The following GRID1 variants were observed in gnomAD, a reference collection of about 807,000 sequenced individuals.
The protein encoded by GRID1 is glutamate receptor ionotropic, delta-1.
Under a neutral mutation model 98.0 loss-of-function variants are expected in GRID1, and 28 were observed. That is an observed-to-expected ratio of 0.29 (90% CI 0.21 to 0.39). The LOEUF is 0.39. GRID1 is among the 10% of genes least tolerant of loss of function. GRID1 has a pLI of 1.00. For synonymous variants in GRID1, 553 were observed against 538.5 expected, an observed-to-expected ratio of 1.03 and a Z score of -0.37; for missense variants, 1,111 against 1,340.5, an observed-to-expected ratio of 0.83 and a Z score of 2.67.
At chr10:86,148,335 G>C (rs576075219) in intron 3 of GRID1, among the ~76,000 whole-genome samples, 29 of 152,316 alleles carry the variant, frequency 1.9e-4, no homozygotes, top group Non-Finnish European at 3.4e-4. Flanking sequence ...CATGAGCCTG[G>C]AGCAGATTAT....
intron 4 of GRID1, among the ~76,000 whole-genome samples, chr10:86,081,254 A>G (rs1843974336): frequency 6.6e-6 from 1 of 152,196 alleles, no homozygotes; most frequent in Non-Finnish European, 1.5e-5. Flanking sequence ...GGGGCTGGGG[A>G]TGAAAATGGA....
chr10:86,240,866 C>G (rs1846617419), intron 2 of GRID1, among the ~76,000 whole-genome samples: 1 of 152,220 alleles, frequency 6.6e-6, no homozygotes, highest in African/African-American at 2.4e-5. Context: ...AGCCCCAGAC[C>G]AGCCTCGGGG....
intron 2 of GRID1, among the ~76,000 whole-genome samples, chr10:86,351,589 T>G (rs961550858): frequency 1.3e-5 from 2 of 152,158 alleles, no homozygotes; most frequent in Non-Finnish European, 2.9e-5. Flanking sequence ...TGGAGTCAAA[T>G]AGCCAGCTGC....
At chr10:85,985,473 G>A (rs991527155) in intron 4 of GRID1, among the ~76,000 whole-genome samples, 15 of 152,142 alleles carry the variant, frequency 9.9e-5, no homozygotes, top group Admixed American at 5.2e-4. Context: ...CTAACTAGAC[G>A]GTCACCTTCA....
chr10:86,284,186 A>G (rs1395161231), intron 2 of GRID1, among the ~76,000 whole-genome samples: 1 of 151,810 alleles, frequency 6.6e-6, no homozygotes, highest in African/African-American at 2.4e-5. Context: ...CTACACATAC[A>G]CACCTGCCCT....
rs938471710 is a variant in GRID1, at chr10:85,652,759, G to A, written c.1998-5362C>T. On this transcript the variant is annotated intron_variant, in intron 12 of 15. Transcript: ENST00000327946. Reference sequence around the variant, plus strand: ...GCCTCTCCTGGGTTTCTTCCCCAGCGCCCCCCAGCCTCTCTAATCTGTCAC... The same window carrying A: ...GCCTCTCCTGGGTTTCTTCCCCAGCACCCCCCAGCCTCTCTAATCTGTCAC... Among the ~76,000 whole-genome samples the A allele has an allele frequency of 1.8e-4, 27 of 151,994 alleles. 1 individual carries two copies. Among genetic ancestry groups the A allele is most frequent in the African/African-American group, 3.6e-4 (15 of 41,376 alleles).
chr10:86,238,521 T>C (rs1261611224), intron 2 of GRID1, among the ~76,000 whole-genome samples: 5 of 151,846 alleles, frequency 3.3e-5, no homozygotes, highest in Non-Finnish European at 7.4e-5. Context: ...AATACAAAAA[T>C]TAGCTGGGCA....
At chr10:85,772,654 C>T (rs997975068) in intron 8 of GRID1, among the ~76,000 whole-genome samples, 29 of 152,072 alleles carry the variant, frequency 1.9e-4, no homozygotes, top group African/African-American at 6.8e-4. Context: ...ACCACCGATC[C>T]CACAGAAATA....
intron 4 of GRID1, among the ~76,000 whole-genome samples, chr10:86,128,543 T>A (rs925460611): frequency 6.6e-6 from 1 of 152,026 alleles, no homozygotes; most frequent in South Asian, 2.1e-4. Flanking sequence ...GATATGTGAG[T>A]AATGCACTGG....
At chr10:86,135,970 T>A (rs1010964644) in intron 4 of GRID1, among the ~76,000 whole-genome samples, 1 of 152,240 alleles carries the variant, frequency 6.6e-6, no homozygotes, top group Non-Finnish European at 1.5e-5. Flanking sequence ...GGATGCTGCA[T>A]AACATTGACA....
At chr10:86,142,507 G>T (rs1208299429) in intron 3 of GRID1, among the ~76,000 whole-genome samples, 8 of 152,202 alleles carry the variant, frequency 5.3e-5, no homozygotes, top group Non-Finnish European at 1.2e-4. Flanking sequence ...GAACACCAGT[G>T]GTCCTCACTG....
chr10:85,946,360 C>T (rs1274338804), intron 4 of GRID1, among the ~76,000 whole-genome samples: 1 of 152,208 alleles, frequency 6.6e-6, no homozygotes, highest in African/African-American at 2.4e-5. Context: ...CTGAACCCTG[C>T]TCAGTGTCCA....
chr10:85,922,275 AACCATT>A (rs1484556870), intron 4 of GRID1, among the ~76,000 whole-genome samples: 4 of 152,232 alleles, frequency 2.6e-5, no homozygotes, highest in Non-Finnish European at 5.9e-5. Flanking sequence ...ATAAGCCTGA[AACCATT>A]ATTCCACTTG....
chr10:85,663,214 T>C (rs906209761), intron 12 of GRID1, among the ~76,000 whole-genome samples: 6 of 152,172 alleles, frequency 3.9e-5, no homozygotes, highest in African/African-American at 1.4e-4. Flanking sequence ...GGTCATCAAG[T>C]TAAATGAGGT....
intron 8 of GRID1, among the ~76,000 whole-genome samples, chr10:85,745,695 A>G (rs1406306427): frequency 6.9e-6 from 1 of 145,652 alleles, no homozygotes; most frequent in Non-Finnish European, 1.5e-5. Flanking sequence ...CACAATGTGC[A>G]CATGTACCCT....
chr10:86,159,450 G>A (rs1845289287), intron 3 of GRID1, among the ~76,000 whole-genome samples: 1 of 152,190 alleles, frequency 6.6e-6, no homozygotes, highest in South Asian at 2.1e-4. Flanking sequence ...GCTGCCTACA[G>A]TATTCAGTAC....
chr10:86,057,068 A>G (rs1378075206), intron 4 of GRID1, among the ~76,000 whole-genome samples: 1 of 152,202 alleles, frequency 6.6e-6, no homozygotes, highest in Non-Finnish European at 1.5e-5. Flanking sequence ...CCAACTAACA[A>G]GACATGGTCC....
chr10:85,695,175 G>A (rs1841379938), intron 12 of GRID1, among the ~76,000 whole-genome samples: 1 of 152,192 alleles, frequency 6.6e-6, no homozygotes, highest in African/African-American at 2.4e-5. Flanking sequence ...CTCAATGAGA[G>A]TCATCTTTTC....
At chr10:86,312,567 A>G (rs1477528034) in intron 2 of GRID1, among the ~76,000 whole-genome samples, 1 of 152,250 alleles carries the variant, frequency 6.6e-6, no homozygotes, top group African/African-American at 2.4e-5. Flanking sequence ...TGAAATAGGA[A>G]GCAGTGGGTG....
Sources: allele counts gnomAD v4.1 joint callset (sites outside exome capture counted in the v4.1 genomes callset), GRCh38; gene constraint gnomAD v4.1.1; transcripts MANE v1.5; gene names NCBI Gene and HGNC (gene_info 2026-07-23, HGNC 2026-07-21).